TACC2: variants seen among roughly 807,000 people sequenced by gnomAD.
TACC2 encodes transforming acidic coiled-coil containing protein 2, also known as transforming acidic coiled-coil-containing protein 2.
TACC2 carries 137 observed loss-of-function variants against 227.3 expected under a neutral mutation model. That is an observed-to-expected ratio of 0.60 (90% CI 0.52 to 0.69). TACC2 has a LOEUF of 0.69. Ranked by LOEUF, TACC2 falls within the 30% of genes least tolerant of loss-of-function variation. TACC2 has a pLI of 0.00. For missense variants in TACC2, 3,470 were observed against 3,694.4 expected (o/e 0.94, Z 1.57); for synonymous variants, 1,523 against 1,487.5 (o/e 1.02, Z -0.55).
intron 17 of TACC2, 63 bp downstream of exon 17, chr10:122,237,601 C>T: frequency 6.4e-7 from 1 of 1,558,872 alleles, no homozygotes; most frequent in Non-Finnish European, 8.7e-7. Context: ...TGCTCGTGGT[C>T]CACAAAGCCA....
chr10:122,158,429 A>G (rs1322459356), intron 7 of TACC2, among the ~76,000 whole-genome samples: 2 of 152,210 alleles, frequency 1.3e-5, no homozygotes, highest in East Asian at 3.9e-4. Flanking sequence ...GAAAACCCAA[A>G]AAACAAAAGT....
chr10:122,073,583 A>C (rs959681997), intron 3 of TACC2, among the ~76,000 whole-genome samples: 4 of 152,126 alleles, frequency 2.6e-5, no homozygotes, highest in African/African-American at 9.7e-5. Context: ...TCATCCTACT[A>C]AAAGCTCTAC....
chr10:122,008,417 G>C (rs7916113), intron 1 of TACC2, among the ~76,000 whole-genome samples: 142,127 of 151,670 alleles, frequency 0.94, 66,821 homozygotes, highest in East Asian at 0.99. Flanking sequence ...TGTGCCACCA[G>C]GCCTGGCTAA....
intron 6 of TACC2, among the ~76,000 whole-genome samples, chr10:122,133,191 C>T (rs967363866): frequency 6.6e-6 from 1 of 152,136 alleles, no homozygotes; most frequent in African/African-American, 2.4e-5. Context: ...GGAGGGTCAG[C>T]AGCACATGGC....
At chr10:122,164,628 T>A (rs2093039612) in intron 7 of TACC2, among the ~76,000 whole-genome samples, 1 of 152,218 alleles carries the variant, frequency 6.6e-6, no homozygotes, top group South Asian at 2.1e-4. Flanking sequence ...AGAAGTGGCC[T>A]TTATCCTGGC....
intron 8 of TACC2, among the ~76,000 whole-genome samples, chr10:122,200,893 C>T (rs114942343): frequency 0.011 from 1,648 of 144,032 alleles, 120 homozygotes; most frequent in African/African-American, 0.042. Flanking sequence ...ACTGAGAGGA[C>T]GACCACCTCA....
chr10:122,022,875 A>C (rs753124659), intron 2 of TACC2: 3 of 152,220 alleles, frequency 2.0e-5, no homozygotes, highest in Non-Finnish European at 4.4e-5. Context: ...ATCTATTTTA[A>C]GTTTGAAAGT....
At chr10:122,172,151 G>T (rs1022399449) in intron 7 of TACC2, among the ~76,000 whole-genome samples, 1 of 152,232 alleles carries the variant, frequency 6.6e-6, no homozygotes, top group Non-Finnish European at 1.5e-5. Flanking sequence ...AGATGAGCTA[G>T]ATTGTACTCA....
Position 122,168,773 on chromosome 10 carries a change from G to C in TACC2, c.5834+25067G>C, listed in dbSNP as rs879846497. On this transcript the variant is annotated intron_variant, in intron 7 of 22. Transcript: ENST00000369005. ...TCGACCCTCCCATTCCCATCCCTGT[G>C]TTTCTTTCCACTGTCTACAGCCTGT... 7.2e-4 allele frequency among the ~76,000 whole-genome samples: 110 copies of C among 152,160 alleles called. 4 individuals are homozygous for C. The highest frequency in any genetic ancestry group is 1.3e-4 in the Non-Finnish European group (9 of 68,022).
intron 15 of TACC2, 125 bp from the exon 16 acceptor site, chr10:122,230,226 C>T (rs904017531): frequency 2.4e-5 from 18 of 752,394 alleles, no homozygotes; most frequent in Middle Eastern, 2.3e-4. Context: ...AAAGGCGGAG[C>T]GCGTGTTTTT....
intron 8 of TACC2, among the ~76,000 whole-genome samples, chr10:122,200,479 G>C (rs1266228288): frequency 2.2e-5 from 3 of 134,116 alleles, no homozygotes; most frequent in East Asian, 2.2e-4. Context: ...CACATCTACA[G>C]TGAGAGGACG....
At chr10:122,159,156 G>C (rs2092672357) in intron 7 of TACC2, among the ~76,000 whole-genome samples, 1 of 152,224 alleles carries the variant, frequency 6.6e-6, no homozygotes, top group African/African-American at 2.4e-5. Context: ...CAGAAGTTGA[G>C]GAGGGGGCAG....
intron 2 of TACC2, among the ~76,000 whole-genome samples, chr10:122,036,951 GTTTT>G (rs1267290463): frequency 6.6e-6 from 1 of 151,936 alleles, no homozygotes; most frequent in Non-Finnish European, 1.5e-5. Context: ...TTGTTACTTT[GTTTT>G]TTGTTTGTTT....
rs772028101 is a variant in TACC2, at chr10:122,229,320, G to A, written c.7897-26G>A. 3.1e-6 allele frequency: 5 copies of A among 1,612,172 alleles called. No homozygotes were observed. In the African/African-American group the frequency reaches 4.0e-5, roughly 13 times the overall value. On this transcript the variant is annotated intron_variant, in intron 14 of 22. Coordinates refer to ENST00000369005, the MANE Select transcript of TACC2 (RefSeq NM_206862.4). The stretch of plus-strand genomic sequence containing the variant: ...CTCTGTTCTCCTCTATTTTTCTTGT[G>A]TGTCCTCCTCTCTGCCGGCTTTCAG...
intron 7 of TACC2, chr10:122,163,469 G>A (rs2092948478): frequency 1.0e-5 from 7 of 675,352 alleles, no homozygotes; most frequent in Non-Finnish European, 1.3e-5. Flanking sequence ...GCAGAGGGAG[G>A]GTCTTCGCCT....
chr10:122,183,976 A>G (rs897407994), intron 7 of TACC2, among the ~76,000 whole-genome samples: 1 of 152,174 alleles, frequency 6.6e-6, no homozygotes, highest in Non-Finnish European at 1.5e-5. Context: ...GATGGGGAAT[A>G]AATAGGTCCT....
At chr10:122,195,761 G>A (rs2094547065) in intron 8 of TACC2, among the ~76,000 whole-genome samples, 1 of 152,074 alleles carries the variant, frequency 6.6e-6, no homozygotes, top group Non-Finnish European at 1.5e-5. Flanking sequence ...CACCCCTGTG[G>A]GGCATGCATT....
Position 122,087,823 on chromosome 10 carries a change from G to T in TACC2, c.5323G>T (p.Ala1775Ser). The change falls in exon 4 of 23, where the codon GCT becomes TCT. Residue 1775 changes from alanine (A) to serine (S), a missense_variant. Coordinates refer to ENST00000369005, the MANE Select transcript of TACC2 (RefSeq NM_206862.4). ...HGDSPARPQQ[A>S]KEQPGPERPI... The stretch of plus-strand genomic sequence containing the variant: ...GGACAGCCCAGCCAGGCCCCAGCAG[G>T]CTAAGGAGCAGCCAGGGCCTGAGCG... 6.4e-7 allele frequency: 1 copy of T among 1,564,406 alleles called. No homozygotes were observed.
chr10:122,051,765 C>CTTTTTTTTTTTTTTTTT (rs56185263), intron 3 of TACC2: 1 of 122,460 alleles, frequency 8.2e-6, no homozygotes, highest in Non-Finnish European at 1.7e-5. Context: ...CTCAAAGTGA[C>CTTTTTTTTTTTTTTTTT]TTTTTTTTTT....
Sources: gnomAD v4.1 joint callset for allele counts (sites outside exome capture counted in the v4.1 genomes callset) on GRCh38, gnomAD v4.1.1 for gene constraint, MANE v1.5 for transcripts, NCBI Gene and HGNC (gene_info 2026-07-23, HGNC 2026-07-21) for gene names.